Variants in WWOX observed in about 807,000 individuals in gnomAD.
WWOX encodes the protein WW domain containing oxidoreductase, also known as WW domain-containing oxidoreductase.
In WWOX, 69 loss-of-function variants were observed where a neutral mutation model predicts 46.2. That is an observed-to-expected ratio of 1.49 (90% CI 1.23 to 1.82). The LOEUF (loss-of-function observed/expected upper bound fraction) is 1.82, where lower values mean the gene tolerates loss of function less well. WWOX is among the 40% of genes most tolerant of loss of function. The pLI is 0.00. For missense variants in WWOX, 919 were observed against 542.6 expected (o/e 1.69, Z -6.89); for synonymous variants, 359 against 202.6 (o/e 1.77, Z -6.56).
chr16:78,481,663 A>G (rs894884514), intron 8 of WWOX, among the ~76,000 whole-genome samples: 4 of 149,926 alleles, frequency 2.7e-5, no homozygotes, highest in African/African-American at 7.4e-5. Context: ...TTTCCCAACA[A>G]TTTGGCTGTA....
intron 8 of WWOX, among the ~76,000 whole-genome samples, chr16:78,986,849 A>C (rs1416570285): frequency 6.6e-6 from 1 of 152,190 alleles, no homozygotes; most frequent in African/African-American, 2.4e-5. Flanking sequence ...TTTTGATAAT[A>C]CACATTATGC....
At chr16:78,344,160 T>A (rs1198793748) in intron 5 of WWOX, among the ~76,000 whole-genome samples, 1 of 63,742 alleles carries the variant, frequency 1.6e-5, no homozygotes, top group East Asian at 3.0e-4. Flanking sequence ...CTGAGCATCA[T>A]CCTCGGGCAG....
chr16:79,080,559 G>T (rs1382526170), intron 8 of WWOX, among the ~76,000 whole-genome samples: 1 of 152,198 alleles, frequency 6.6e-6, no homozygotes, highest in Non-Finnish European at 1.5e-5. Flanking sequence ...CCCAGAACCA[G>T]ATTGTCTAAC....
chr16:78,939,875 GT>G lies in WWOX; in HGVS notation c.1057-271728del, dbSNP rs1175189485. On this transcript the variant is annotated intron_variant, in intron 8 of 8. Coordinates refer to ENST00000566780, the MANE Select transcript of WWOX (RefSeq NM_016373.4). The stretch of plus-strand genomic sequence containing the variant: ...TTTTTGGCATAGACGTGTGGACGTT[GT>G]TTTTGACATTTGTACATGCTTTTGC... Among the ~76,000 whole-genome samples the G allele has an allele frequency of 2.6e-5, 4 of 152,168 alleles. No individual in the cohort carries two copies. The East Asian group carries it at 7.7e-4, about 29-fold the overall frequency.
chr16:79,056,264 C>G (rs1386171818), intron 8 of WWOX, among the ~76,000 whole-genome samples: 4 of 151,562 alleles, frequency 2.6e-5, no homozygotes, highest in African/African-American at 9.7e-5. Context: ...GGAGGTTACC[C>G]CAGAACACTT....
At chr16:78,915,671 G>A (rs186726355) in intron 8 of WWOX, among the ~76,000 whole-genome samples, 1 of 143,978 alleles carries the variant, frequency 6.9e-6, no homozygotes, top group Admixed American at 7.2e-5. Flanking sequence ...TGGGGAAAGT[G>A]CTTGTCTATT....
chr16:78,439,784 G>A (rs917000761), intron 8 of WWOX, among the ~76,000 whole-genome samples: 1 of 152,184 alleles, frequency 6.6e-6, no homozygotes, highest in Non-Finnish European at 1.5e-5. Flanking sequence ...GGTTGTGTTT[G>A]GCTACTATAT....
At chr16:78,953,343 CTT>C (rs1273680246) in intron 8 of WWOX, among the ~76,000 whole-genome samples, 3 of 152,076 alleles carry the variant, frequency 2.0e-5, no homozygotes, top group Non-Finnish European at 1.5e-5. Flanking sequence ...AGAACAAACT[CTT>C]TTTAAGGGCT....
At chr16:78,971,648 C>T (rs1182337286) in intron 8 of WWOX, among the ~76,000 whole-genome samples, 2 of 151,782 alleles carry the variant, frequency 1.3e-5, no homozygotes, top group Non-Finnish European at 2.9e-5. Context: ...TACAATATCC[C>T]TTATATTCCT....
intron 5 of WWOX, among the ~76,000 whole-genome samples, chr16:78,347,366 T>C (rs9925970): frequency 0.99 from 115,023 of 116,330 alleles, 57,112 homozygotes; most frequent in Middle Eastern, 1. Context: ...TCCATATGTC[T>C]AGTTCCAAGT....
intron 8 of WWOX, among the ~76,000 whole-genome samples, chr16:78,943,801 C>T (rs560854908): frequency 2.0e-5 from 3 of 152,220 alleles, no homozygotes; most frequent in South Asian, 4.1e-4. Flanking sequence ...TCTTTCCCAC[C>T]GCACATCACT....
At chr16:78,415,092 A>T (rs1415040476) in intron 6 of WWOX, among the ~76,000 whole-genome samples, 1 of 148,412 alleles carries the variant, frequency 6.7e-6, no homozygotes, top group Non-Finnish European at 1.5e-5. Context: ...ATATATAATT[A>T]TAATACAATA....
chr16:78,296,910 T>C (rs2079951848), intron 5 of WWOX, among the ~76,000 whole-genome samples: 1 of 152,226 alleles, frequency 6.6e-6, no homozygotes, highest in East Asian at 1.9e-4. Context: ...CTTCAGATTA[T>C]TAAGATTTGA....
chr16:79,176,993 A>G (rs1008689420), intron 8 of WWOX, among the ~76,000 whole-genome samples: 1 of 152,128 alleles, frequency 6.6e-6, no homozygotes, highest in Non-Finnish European at 1.5e-5. Context: ...TAGATGTATA[A>G]TAAAATCTTT....
intron 8 of WWOX, among the ~76,000 whole-genome samples, chr16:78,812,325 T>G (rs1190764209): frequency 6.6e-6 from 1 of 152,112 alleles, no homozygotes; most frequent in Non-Finnish European, 1.5e-5. Flanking sequence ...GCCATTGGGT[T>G]TTGAGACCCT....
chr16:78,147,640 C>A (rs1347160967), intron 4 of WWOX, among the ~76,000 whole-genome samples: 12 of 148,540 alleles, frequency 8.1e-5, no homozygotes, highest in Admixed American at 8.1e-4. Context: ...ATGGTGAGAG[C>A]CAAGGTCAAT....
intron 8 of WWOX, among the ~76,000 whole-genome samples, chr16:78,629,888 A>G (rs1362567519): frequency 6.6e-6 from 1 of 152,210 alleles, no homozygotes; most frequent in Non-Finnish European, 1.5e-5. Context: ...AAATTATCTA[A>G]GAAGTAGATT....
At chr16:78,353,886 C>T (rs138119622) in intron 5 of WWOX, among the ~76,000 whole-genome samples, 101 of 152,304 alleles carry the variant, frequency 6.6e-4, no homozygotes, top group African/African-American at 1.9e-3. Context: ...TCAGGATTCT[C>T]GTAAAATTCC....
intron 8 of WWOX, among the ~76,000 whole-genome samples, chr16:78,871,314 C>G (rs191429216): frequency 6.6e-6 from 1 of 152,218 alleles, no homozygotes; most frequent in East Asian, 1.9e-4. Context: ...GCTGAATAAC[C>G]ATGTCACAGT....
Sources: gnomAD v4.1 joint callset for allele counts (sites outside exome capture counted in the v4.1 genomes callset) on GRCh38, gnomAD v4.1.1 for gene constraint, MANE v1.5 for transcripts, NCBI Gene and HGNC (gene_info 2026-07-23, HGNC 2026-07-21) for gene names.